Variants in SOX5 observed in about 807,000 individuals in gnomAD.
SOX5 encodes transcription factor SOX-5.
Under a neutral mutation model 92.0 loss-of-function variants are expected in SOX5, and 9 were observed. That is an observed-to-expected ratio of 0.10 (90% confidence interval 0.06 to 0.17). The LOEUF (loss-of-function observed/expected upper bound fraction) is 0.17. SOX5 is among the 10% of genes least tolerant of loss of function. SOX5 has a pLI of 1.00. For synonymous variants in SOX5, 344 were observed against 336.3 expected, an observed-to-expected ratio of 1.02 and a Z score of -0.25; for missense variants, 642 against 944.5, an observed-to-expected ratio of 0.68 and a Z score of 4.20.
intron 2 of SOX5, among the ~76,000 whole-genome samples, chr12:23,868,234 T>TCAC (rs1342346548): frequency 1.3e-5 from 2 of 152,132 alleles, no homozygotes; most frequent in Non-Finnish European, 2.9e-5. Flanking sequence ...CTGTTCTATT[T>TCAC]CACGGCTCCA....
chr12:24,143,216 G>A (rs1950756377), intron 4 of SOX5, among the ~76,000 whole-genome samples: 1 of 152,118 alleles, frequency 6.6e-6, no homozygotes, highest in African/African-American at 2.4e-5. Flanking sequence ...ACACGTCACT[G>A]AGTCCAGGAA....
chr12:24,008,472 T>C (rs1469923565), intron 4 of SOX5, among the ~76,000 whole-genome samples: 1 of 152,102 alleles, frequency 6.6e-6, no homozygotes, highest in East Asian at 1.9e-4. Context: ...GAGGCATAGA[T>C]GGACATCCTA....
chr12:23,573,565 A>C (rs1056561067), intron 10 of SOX5, among the ~76,000 whole-genome samples: 4 of 151,940 alleles, frequency 2.6e-5, no homozygotes, highest in Non-Finnish European at 4.4e-5. Context: ...CACTCAACTT[A>C]CTCTTCATCA....
chr12:23,645,328 A>G (rs975924551), intron 7 of SOX5, among the ~76,000 whole-genome samples: 1 of 152,218 alleles, frequency 6.6e-6, no homozygotes, highest in Non-Finnish European at 1.5e-5. Context: ...TGTAGAGAAG[A>G]AACAGTTTAA....
At chr12:24,468,625 T>G (rs994627699) in intron 1 of SOX5, among the ~76,000 whole-genome samples, 26 of 152,324 alleles carry the variant, frequency 1.7e-4, no homozygotes, top group African/African-American at 5.8e-4. Flanking sequence ...AGGTAAACTT[T>G]CCCATTCCCA....
rs186562014 is a variant in SOX5 at position 24,193,869 on chromosome 12, A to G, written c.-2+19474T>C. Among the ~76,000 whole-genome samples, 85 of 152,284 alleles carry G rather than the reference A, an allele frequency of 5.6e-4. 1 individual carries two copies. The highest frequency in any genetic ancestry group is 1.9e-3 in the African/African-American group (79 of 41,562). On this transcript the variant is annotated intron_variant, in intron 4 of 4. Transcript: ENST00000446891. ...AGTAGTTTTGACATCTTTGTGCAAAACAGTCACTAACAGTCACTTACAATT... is the reference window on the plus strand; with the variant it reads ...AGTAGTTTTGACATCTTTGTGCAAAGCAGTCACTAACAGTCACTTACAATT...
chr12:24,393,337 G>T lies in SOX5; in HGVS notation c.-250-24698C>A, dbSNP rs555191716. Among the ~76,000 whole-genome samples, 5 of 152,296 alleles carry T rather than the reference G, an allele frequency of 3.3e-5. No homozygotes were observed. In the East Asian group the frequency reaches 9.6e-4, roughly 29 times the overall value. On this transcript the variant is annotated intron_variant, in intron 1 of 4. Coordinates refer to the SOX5 transcript ENST00000446891. This position sits in a 1 kb window ranked among gnomAD's most constrained non-coding sequence, Gnocchi z 5.0. ...GCAACAGCTGCTGCAAAATCATGCTGCTGACTTTTTGGGTTGTGGTCTTGC... is the reference window on the plus strand; with the variant it reads ...GCAACAGCTGCTGCAAAATCATGCTTCTGACTTTTTGGGTTGTGGTCTTGC...
chr12:24,438,228 A>G (rs1596630016), intron 1 of SOX5, among the ~76,000 whole-genome samples: 1 of 152,172 alleles, frequency 6.6e-6, no homozygotes, highest in East Asian at 1.9e-4. Context: ...TGGGAGTTGA[A>G]CAATGAGAGC....
chr12:23,801,759 C>T (rs947346287), intron 3 of SOX5, among the ~76,000 whole-genome samples: 5 of 152,046 alleles, frequency 3.3e-5, no homozygotes, highest in African/African-American at 9.7e-5. Context: ...TCCAACCCTA[C>T]GGTTGACTTC....
At chr12:23,950,061 C>T (rs1945348059), upstream of SOX5, among the ~76,000 whole-genome samples, 1 of 152,010 alleles carries the variant, frequency 6.6e-6, no homozygotes, top group African/African-American at 2.4e-5. Flanking sequence ...CACACATACA[C>T]ACGCAGAACA....
chr12:24,440,082 T>G (rs1200685515), intron 1 of SOX5, among the ~76,000 whole-genome samples: 1 of 152,142 alleles, frequency 6.6e-6, no homozygotes, highest in African/African-American at 2.4e-5. Context: ...AACTGCCACG[T>G]AAGTGAAGAA....
At chr12:23,735,059 C>G (rs1033760166) in intron 5 of SOX5, among the ~76,000 whole-genome samples, 21 of 152,180 alleles carry the variant, frequency 1.4e-4, no homozygotes, top group African/African-American at 5.1e-4. Flanking sequence ...TAAGAAGGCG[C>G]TGCTTCTGAC....
intron 4 of SOX5, among the ~76,000 whole-genome samples, chr12:24,173,829 T>C (rs1954477747): frequency 6.6e-6 from 1 of 152,090 alleles, no homozygotes. Flanking sequence ...TAAGAAGTTA[T>C]CCCGGATATT....
intron 4 of SOX5, among the ~76,000 whole-genome samples, chr12:23,971,073 G>T (rs1250700308): frequency 1.5e-5 from 2 of 131,918 alleles, no homozygotes; most frequent in Non-Finnish European, 3.2e-5. Context: ...TTGATACTTT[G>T]TTATTATTTA....
chr12:24,081,272 A>C (rs1943299268), intron 4 of SOX5, among the ~76,000 whole-genome samples: 1 of 151,992 alleles, frequency 6.6e-6, no homozygotes, highest in Admixed American at 6.6e-5. Flanking sequence ...ATCTGACTTC[A>C]TTTGATTTAC....
chr12:24,375,248 C>G (rs1566017516), intron 1 of SOX5, among the ~76,000 whole-genome samples: 1 of 151,974 alleles, frequency 6.6e-6, no homozygotes. Flanking sequence ...GCTGGGATTA[C>G]AGGCGTGAGC....
intron 8 of SOX5, among the ~76,000 whole-genome samples, chr12:23,612,540 A>C (rs1012074295): frequency 8.5e-5 from 13 of 152,162 alleles, no homozygotes; most frequent in Non-Finnish European, 1.6e-4. Context: ...AGCACCTCCC[A>C]GGTCAAATAT....
At chr12:24,340,116 G>A (rs1360826858) in intron 2 of SOX5, among the ~76,000 whole-genome samples, 1 of 152,212 alleles carries the variant, frequency 6.6e-6, no homozygotes, top group African/African-American at 2.4e-5. Context: ...GCTCCCAAGA[G>A]CATCTTCAAC....
chr12:24,348,915 C>A (rs1470591069), intron 2 of SOX5, among the ~76,000 whole-genome samples: 1 of 152,290 alleles, frequency 6.6e-6, no homozygotes, highest in East Asian at 1.9e-4. Flanking sequence ...GTAAGACATG[C>A]CTTTGCTCCT....
Sources: gnomAD v4.1 joint callset for allele counts (sites outside exome capture counted in the v4.1 genomes callset) on GRCh38, gnomAD v4.1.1 for gene constraint, Gnocchi (gnomAD v3.1) non-coding constraint, MANE v1.5 for transcripts, NCBI Gene and HGNC (gene_info 2026-07-23, HGNC 2026-07-21) for gene names.